PDE8B: variants seen among roughly 807,000 people sequenced by gnomAD.
PDE8B encodes the protein high affinity cAMP-specific and IBMX-insensitive 3',5'-cyclic phosphodiesterase 8B.
A neutral mutation model predicts 101.3 loss-of-function variants in PDE8B; 26 were observed. The observed-to-expected ratio is 0.26, with a 90% CI of 0.19 to 0.36. The LOEUF is 0.36. Ranked by LOEUF, PDE8B falls within the 10% of genes least tolerant of loss-of-function variation. PDE8B has a pLI of 1.00. For synonymous variants in PDE8B, 424 were observed against 429.3 expected (o/e 0.99, Z 0.15); for missense variants, 810 against 1,163.1 (o/e 0.70, Z 4.42).
In PDE8B at chr5:77,408,920, G is replaced by C. The variant is rs1235031184; in HGVS notation, c.1393G>C (p.Glu465Gln). The C allele has an allele frequency of 6.2e-7, 1 of 1,613,574 alleles. No homozygotes were observed. The highest frequency in any genetic ancestry group is 8.5e-7 in the Non-Finnish European group (1 of 1,179,594). ...KVINIINAAQ[E>Q]NSPVTVAEAL... Reference sequence around the variant, plus strand: ...TATAAATATAATCAATGCAGCCCAAGAAAACAGCCCAGTCACAGTAGCGGA... The same window carrying C: ...TATAAATATAATCAATGCAGCCCAACAAAACAGCCCAGTCACAGTAGCGGA... The change falls in exon 14 of 22, where the codon GAA (glutamate) becomes CAA (glutamine). Residue 465 changes from glutamate to glutamine, a missense_variant. By Grantham distance (29) the Glu-to-Gln change is conservative. This residue lies in a region of PDE8B where 325 missense variants were observed against 560.9 expected (regional missense o/e 0.58). Transcript: ENST00000264917.
chr5:77,105,092 C>A, the PDE8B span: 2 of 152,166 alleles, frequency 1.3e-5, no homozygotes, highest in Non-Finnish European at 2.9e-5. Flanking sequence ...GAGATTCACC[C>A]ATATTGTTGC....
rs186429253 is a variant in PDE8B at position 77,266,003 on chromosome 5, G to A, written c.340-45991G>A. Among the ~76,000 whole-genome samples, 17 of 152,298 alleles carry A rather than the reference G, an allele frequency of 1.1e-4. No individual in the cohort carries two copies. The East Asian group carries it at 2.5e-3, about 23-fold the overall frequency. On this transcript the variant is annotated intron_variant, in intron 1 of 21. Transcript: ENST00000264917. Reference sequence around the variant, plus strand: ...ACCTTTCAGAGAGCTGCCTGACTGCGCTGCTCAGGAAAAAAGGGGTGCTCA... The same window carrying A: ...ACCTTTCAGAGAGCTGCCTGACTGCACTGCTCAGGAAAAAAGGGGTGCTCA...
chr5:77,203,363 A>T, the PDE8B span, among the ~76,000 whole-genome samples: 4 of 152,130 alleles, frequency 2.6e-5, no homozygotes, highest in East Asian at 7.7e-4. Flanking sequence ...TTCAAAGCAA[A>T]TGTTAACGCA....
intron 1 of PDE8B, among the ~76,000 whole-genome samples, chr5:77,215,485 T>C (rs1032678354): frequency 6.6e-6 from 1 of 152,240 alleles, no homozygotes; most frequent in Non-Finnish European, 1.5e-5. Flanking sequence ...ATTTTCCTTA[T>C]TTTCATGACT....
chr5:77,333,622 A>G lies in PDE8B; in HGVS notation c.708+2163A>G, dbSNP rs539774608. Among the ~76,000 whole-genome samples the G allele has an allele frequency of 4.6e-5, 7 of 152,214 alleles. No homozygotes were observed. In the East Asian group the frequency reaches 5.8e-4, roughly 13 times the overall value. On this transcript the variant is annotated intron_variant, in intron 5 of 21. Coordinates refer to ENST00000264917, the MANE Select transcript of PDE8B (RefSeq NM_003719.5). ...ATTCTACCTTTAGTTCAGTGATCCA[A>G]CCTCAAACTGGTCTAGAATTGCTGC... is the stretch of plus-strand genomic sequence containing the variant.
rs372330380 is a variant in PDE8B at position 77,349,739 on chromosome 5, GT to G, written c.1017+181del. 1.5e-3 allele frequency among the ~76,000 whole-genome samples: 222 copies of G among 152,220 alleles called. 5 individuals carry two copies. The South Asian group carries it at 0.045, about 31-fold the overall frequency. On this transcript the variant is annotated intron_variant, in intron 8 of 21. Coordinates refer to ENST00000264917, the MANE Select transcript of PDE8B (RefSeq NM_003719.5). ...TAACTTTGGAACTCAAGTGAATCTG[GT>G]GCTTATCATTATGGTACAGAATCTG...
At chr5:77,144,258 C>T in the PDE8B span, 78,141 of 151,884 alleles carry the variant, frequency 0.51, 22,014 homozygotes, top group East Asian at 0.88. Flanking sequence ...CAGAGGGGAG[C>T]AATGGGGACA....
At chr5:77,222,391 A>C (rs1751315959) in intron 1 of PDE8B, among the ~76,000 whole-genome samples, 1 of 152,192 alleles carries the variant, frequency 6.6e-6, no homozygotes, top group Non-Finnish European at 1.5e-5. Context: ...TGGGAGGCTG[A>C]GGCGGGTGGA....
At chr5:77,221,909 T>C (rs889357790) in intron 1 of PDE8B, among the ~76,000 whole-genome samples, 3 of 152,168 alleles carry the variant, frequency 2.0e-5, no homozygotes, top group African/African-American at 7.2e-5. Flanking sequence ...TATTCGAAAC[T>C]CATTGTTTGT....
At chr5:77,196,742 T>C in the PDE8B span, among the ~76,000 whole-genome samples, 1 of 152,212 alleles carries the variant, frequency 6.6e-6, no homozygotes, top group Admixed American at 6.5e-5. Context: ...CTCAATTTTA[T>C]GGAAATGTTT....
the PDE8B span, among the ~76,000 whole-genome samples, chr5:77,172,590 C>T: frequency 6.6e-6 from 1 of 152,196 alleles, no homozygotes; most frequent in Non-Finnish European, 1.5e-5. Flanking sequence ...TATATCCCAA[C>T]CTCAATTAAT....
chr5:77,252,240 G>A (rs1758212316), intron 1 of PDE8B, among the ~76,000 whole-genome samples: 1 of 152,236 alleles, frequency 6.6e-6, no homozygotes, highest in Admixed American at 6.5e-5. Context: ...GGGCACAGAT[G>A]AATCTGGGTG....
intron 7 of PDE8B, among the ~76,000 whole-genome samples, chr5:77,345,989 T>A (rs1780082070): frequency 6.6e-6 from 1 of 152,190 alleles, no homozygotes; most frequent in Admixed American, 6.5e-5. Context: ...CATTAGGTTG[T>A]CTCATTTCTA....
the PDE8B span, among the ~76,000 whole-genome samples, chr5:77,107,952 C>G: frequency 1.3e-3 from 202 of 152,300 alleles, 3 homozygotes; most frequent in South Asian, 0.039. Flanking sequence ...ACCCCACACA[C>G]TGACCCAGCA....
At chr5:77,105,420 G>A in the PDE8B span, 4 of 152,064 alleles carry the variant, frequency 2.6e-5, no homozygotes, top group Non-Finnish European at 2.9e-5. Flanking sequence ...ATTTTGCCTC[G>A]CCATAAGCTA....
At chr5:77,186,834 G>T in the PDE8B span, among the ~76,000 whole-genome samples, 1 of 152,098 alleles carries the variant, frequency 6.6e-6, no homozygotes, top group Non-Finnish European at 1.5e-5. Flanking sequence ...CTGCAACTGT[G>T]GGTAGTTGCT....
chr5:77,250,384 T>C (rs1246394848), intron 1 of PDE8B, among the ~76,000 whole-genome samples: 1 of 152,166 alleles, frequency 6.6e-6, no homozygotes, highest in African/African-American at 2.4e-5. Context: ...CCCTCTATGA[T>C]GATTCCAGGA....
intron 10 of PDE8B, among the ~76,000 whole-genome samples, chr5:77,378,757 AGATCCAAATGCTT>A: frequency 6.6e-6 from 1 of 152,218 alleles, no homozygotes; most frequent in African/African-American, 2.4e-5. Context: ...GAGAACTCTT[AGATCCAAATGCTT>A]GGCCCCACCC....
chr5:77,180,737 T>C, the PDE8B span, among the ~76,000 whole-genome samples: 107 of 152,330 alleles, frequency 7.0e-4, no homozygotes, highest in East Asian at 0.019. Context: ...CCAATAATAA[T>C]TGACCACAGA....
Sources: allele counts gnomAD v4.1 joint callset (sites outside exome capture counted in the v4.1 genomes callset), GRCh38; gene constraint gnomAD v4.1.1; regional missense constraint gnomAD v4.1.1; transcripts MANE v1.5; gene names NCBI Gene and HGNC (gene_info 2026-07-23, HGNC 2026-07-21).